The following LHFPL3 variants were observed in gnomAD, a reference collection of about 807,000 sequenced individuals.
The protein encoded by LHFPL3 is LHFPL tetraspan subfamily member 3 protein.
A neutral mutation model predicts 19.3 loss-of-function variants in LHFPL3; 5 were observed. The observed-to-expected ratio is 0.26, with a 90% CI of 0.14 to 0.54. The LOEUF (loss-of-function observed/expected upper bound fraction) is 0.54, where lower values mean the gene tolerates loss of function less well. Ranked by LOEUF, LHFPL3 falls within the 20% of genes least tolerant of loss-of-function variation. The pLI is 0.94. For missense variants in LHFPL3, 249 were observed against 307.4 expected, an observed-to-expected ratio of 0.81 and a Z score of 1.42; for synonymous variants, 133 against 126.2, an observed-to-expected ratio of 1.05 and a Z score of -0.36.
intron 1 of LHFPL3, among the ~76,000 whole-genome samples, chr7:104,395,630 G>A (rs1392109130): frequency 1.3e-5 from 2 of 152,074 alleles, no homozygotes; most frequent in African/African-American, 2.4e-5. Flanking sequence ...TGCGACAGGT[G>A]GAAGAAATAA....
intron 1 of LHFPL3, among the ~76,000 whole-genome samples, chr7:104,632,565 GTTC>G (rs1427205224): frequency 6.6e-6 from 1 of 152,238 alleles, no homozygotes; most frequent in Non-Finnish European, 1.5e-5. Flanking sequence ...ACTTGATTCA[GTTC>G]TTCTAGTTTT....
intron 1 of LHFPL3, among the ~76,000 whole-genome samples, chr7:104,600,080 C>T (rs189894293): frequency 1.3e-5 from 2 of 152,312 alleles, no homozygotes; most frequent in Non-Finnish European, 2.9e-5. Flanking sequence ...TGTACAGAAA[C>T]TCACCCAATC....
At chr7:104,619,157 A>G (rs748362196) in intron 1 of LHFPL3, among the ~76,000 whole-genome samples, 1 of 152,224 alleles carries the variant, frequency 6.6e-6, no homozygotes, top group Non-Finnish European at 1.5e-5. Context: ...TGACTTTAGT[A>G]AGAATAATAT....
intron 2 of LHFPL3, among the ~76,000 whole-genome samples, chr7:104,899,472 G>A (rs976880272): frequency 2.0e-5 from 3 of 152,112 alleles, no homozygotes; most frequent in African/African-American, 7.2e-5. Flanking sequence ...CTGAGAGAGA[G>A]AGAGTACCTC....
At chr7:104,579,996 C>T (rs1790426174) in intron 1 of LHFPL3, among the ~76,000 whole-genome samples, 1 of 152,136 alleles carries the variant, frequency 6.6e-6, no homozygotes, top group Non-Finnish European at 1.5e-5. Flanking sequence ...GGAATTCTTA[C>T]TCAAATTGTT....
Position 104,382,148 on chromosome 7 carries a change from G to A in LHFPL3, c.445+52924G>A, listed in dbSNP as rs532363240. ...GCAGAGGGAAATTTTGAATGTCTAAGGTAGTGGTTTTCAAAGTGTGCCCTC... is the reference window on the plus strand; with the variant it reads ...GCAGAGGGAAATTTTGAATGTCTAAAGTAGTGGTTTTCAAAGTGTGCCCTC... On this transcript the variant is annotated intron_variant, in intron 1 of 2. Coordinates refer to ENST00000424859, the MANE Select transcript of LHFPL3 (RefSeq NM_199000.3). Among the ~76,000 whole-genome samples the A allele has an allele frequency of 2.0e-5, 3 of 152,278 alleles. No individual in the cohort carries two copies. The South Asian group carries it at 6.2e-4, about 32-fold the overall frequency.
intron 1 of LHFPL3, among the ~76,000 whole-genome samples, chr7:104,514,006 T>A (rs1793871587): frequency 6.6e-6 from 1 of 152,160 alleles, no homozygotes; most frequent in South Asian, 2.1e-4. Flanking sequence ...GTTAAGTACA[T>A]AATGGTTTTA....
rs556702640 is a variant in LHFPL3 at position 104,857,081 on chromosome 7, G to A, written c.683-49106G>A. On this transcript the variant is annotated intron_variant, in intron 2 of 2. Transcript: ENST00000424859. The stretch of plus-strand genomic sequence containing the variant: ...TCATTTCACCCGCGTGATAACTTAT[G>A]AAGTAGGTACAGGCAGATTGTTCCC... 5.9e-5 allele frequency among the ~76,000 whole-genome samples: 9 copies of A among 152,318 alleles called. No individual in the cohort carries two copies. In the South Asian group the frequency reaches 6.2e-4, roughly 11 times the overall value.
intron 1 of LHFPL3, among the ~76,000 whole-genome samples, chr7:104,360,534 GC>G (rs1241397600): frequency 6.6e-6 from 1 of 151,998 alleles, no homozygotes; most frequent in Non-Finnish European, 1.5e-5. Flanking sequence ...TTGAAGAGGA[GC>G]CCCAATTCTA....
At chr7:104,566,293 G>A (rs556931705) in intron 1 of LHFPL3, among the ~76,000 whole-genome samples, 3 of 152,296 alleles carry the variant, frequency 2.0e-5, no homozygotes, top group Admixed American at 6.5e-5. Context: ...TGAGGCTGCA[G>A]TGAGTCGTAA....
At chr7:104,801,596 A>C (rs999932172) in intron 2 of LHFPL3, among the ~76,000 whole-genome samples, 2 of 152,020 alleles carry the variant, frequency 1.3e-5, no homozygotes, top group African/African-American at 4.8e-5. Flanking sequence ...TTTGAGATGG[A>C]GTCTCGGTCT....
intron 2 of LHFPL3, among the ~76,000 whole-genome samples, chr7:104,862,971 G>A (rs185432501): frequency 2.1e-3 from 313 of 152,258 alleles, no homozygotes; most frequent in African/African-American, 4.7e-3. Flanking sequence ...CTGAGAAACC[G>A]AGTGTCTGTA....
At chr7:104,601,470 A>G (rs1379386136) in intron 1 of LHFPL3, among the ~76,000 whole-genome samples, 1 of 152,222 alleles carries the variant, frequency 6.6e-6, no homozygotes, top group Non-Finnish European at 1.5e-5. Flanking sequence ...CATGAAGCAT[A>G]TATTATTGAT....
At chr7:104,518,285 A>G (rs948442847) in intron 1 of LHFPL3, among the ~76,000 whole-genome samples, 7 of 152,220 alleles carry the variant, frequency 4.6e-5, no homozygotes, top group Admixed American at 6.6e-5. Context: ...TTATTGCAAC[A>G]GAATACTTTT....
At chr7:104,624,385 T>C (rs1415893919) in intron 1 of LHFPL3, among the ~76,000 whole-genome samples, 2 of 152,228 alleles carry the variant, frequency 1.3e-5, no homozygotes, top group Non-Finnish European at 2.9e-5. Context: ...AAAGTTCCTC[T>C]AGAATTTCAG....
At chr7:104,359,553 A>G (rs1404194016) in intron 1 of LHFPL3, among the ~76,000 whole-genome samples, 1 of 152,236 alleles carries the variant, frequency 6.6e-6, no homozygotes, top group East Asian at 1.9e-4. Flanking sequence ...GCCAATTCAT[A>G]TATCTTGGCC....
rs534966879 is a variant in LHFPL3, at chr7:104,442,470, G to A, written c.445+113246G>A. On this transcript the variant is annotated intron_variant, in intron 1 of 2. Transcript: ENST00000424859. ...TAAATGGGAAATTTATGGAGGCTGA[G>A]GGGAAAAAAGTATCCAAAATCTAGA... Among the ~76,000 whole-genome samples, 74 of 152,196 alleles carry A rather than the reference G, an allele frequency of 4.9e-4. 2 individuals are homozygous for A. In the South Asian group the frequency reaches 0.015, roughly 31 times the overall value.
rs988863660 is a variant in LHFPL3 at position 104,870,431 on chromosome 7, C to T, written c.683-35756C>T. Among the ~76,000 whole-genome samples the T allele has an allele frequency of 1.4e-4, 21 of 152,280 alleles. 1 individual carries two copies. The highest frequency in any genetic ancestry group is 6.8e-3 in the Middle Eastern group (2 of 294). The stretch of plus-strand genomic sequence containing the variant: ...CACCTCTGGGAAAGGGGAATGGGAA[C>T]ATCTGTCTCCCAGGGCAAGGATTCC... On this transcript the variant is annotated intron_variant, in intron 2 of 2. Coordinates refer to ENST00000424859, the MANE Select transcript of LHFPL3 (RefSeq NM_199000.3).
At chr7:104,680,127 G>A (rs558104670) in intron 1 of LHFPL3, among the ~76,000 whole-genome samples, 5 of 152,276 alleles carry the variant, frequency 3.3e-5, no homozygotes, top group African/African-American at 1.2e-4. Context: ...CAGAGAGGAA[G>A]GAACGCAATG....
Sources: gnomAD v4.1 joint callset for allele counts (sites outside exome capture counted in the v4.1 genomes callset) on GRCh38, gnomAD v4.1.1 for gene constraint, MANE v1.5 for transcripts, NCBI Gene and HGNC (gene_info 2026-07-23, HGNC 2026-07-21) for gene names.